The following FTO variants were observed in gnomAD, a reference collection of about 807,000 sequenced individuals.
FTO encodes FTO alpha-ketoglutarate dependent dioxygenase.
A neutral mutation model predicts 63.9 loss-of-function variants in FTO; 47 were observed. That is an observed-to-expected ratio of 0.74 (90% CI 0.58 to 0.94). The LOEUF (loss-of-function observed/expected upper bound fraction) is 0.94. FTO is among the 40% of genes least tolerant of loss of function. The pLI, the probability that FTO is intolerant of heterozygous loss-of-function variation, is 0.00. For synonymous variants in FTO, 207 were observed against 224.4 expected, an observed-to-expected ratio of 0.92 and a Z score of 0.69; for missense variants, 562 against 618.1, an observed-to-expected ratio of 0.91 and a Z score of 0.96.
At chr16:54,070,266 A>G (rs919240265) in intron 8 of FTO, 1 of 152,190 alleles carries the variant, frequency 6.6e-6, no homozygotes, top group East Asian at 1.9e-4. Flanking sequence ...TGTCTAATAC[A>G]TATAAGATTT....
chr16:53,883,642 A>AAAAAAAC (rs2080916755), intron 6 of FTO, among the ~76,000 whole-genome samples: 1 of 150,458 alleles, frequency 6.6e-6, no homozygotes, highest in African/African-American at 2.5e-5. Flanking sequence ...AAAACAAAAA[A>AAAAAAAC]AAAAAAACAA....
intron 4 of FTO, among the ~76,000 whole-genome samples, chr16:53,866,699 G>A (rs1451416753): frequency 1.3e-5 from 2 of 151,998 alleles, no homozygotes; most frequent in Non-Finnish European, 2.9e-5. Flanking sequence ...TAATGTCCAT[G>A]GGATCTGTAG....
intron 8 of FTO, among the ~76,000 whole-genome samples, chr16:53,946,598 A>G (rs781346413): frequency 3.0e-4 from 45 of 152,026 alleles, no homozygotes; most frequent in Admixed American, 2.6e-4. Context: ...TTTTCACTGA[A>G]AAAGTTGCTG....
rs188047161 is a variant in FTO, at chr16:54,034,298, T to C, written c.1365-77464T>C. On this transcript the variant is annotated intron_variant, in intron 8 of 8. Coordinates refer to ENST00000471389, the MANE Select transcript of FTO (RefSeq NM_001080432.3). Reference sequence around the variant, plus strand: ...TTTTCTAATAAAAGGCCTACTTGCTTTTCCATTTTAAAACCAGTGTTTAAG... The same window carrying C: ...TTTTCTAATAAAAGGCCTACTTGCTCTTCCATTTTAAAACCAGTGTTTAAG... 5.1e-3 allele frequency among the ~76,000 whole-genome samples: 772 copies of C among 152,328 alleles called. 5 individuals carry two copies. Among genetic ancestry groups the C allele is most frequent in the Middle Eastern group, 0.01 (3 of 294 alleles).
intron 4 of FTO, among the ~76,000 whole-genome samples, chr16:53,863,234 A>G (rs1400398801): frequency 6.6e-6 from 1 of 152,194 alleles, no homozygotes. Flanking sequence ...TTCAGAAAAG[A>G]CAGTTTTGAT....
chr16:54,096,807 C>A (rs1174486693), intron 8 of FTO, among the ~76,000 whole-genome samples: 1 of 152,172 alleles, frequency 6.6e-6, no homozygotes, highest in East Asian at 1.9e-4. Flanking sequence ...AAGGGTACCA[C>A]CCTCATGACC....
intron 8 of FTO, among the ~76,000 whole-genome samples, chr16:54,106,805 ATAT>A (rs1347118819): frequency 3.7e-5 from 5 of 136,510 alleles, no homozygotes; most frequent in Non-Finnish European, 6.1e-5. Flanking sequence ...ATATAATTAC[ATAT>A]TATATATACT....
chr16:54,069,837 G>T (rs1266750167), intron 8 of FTO: 1 of 152,098 alleles, frequency 6.6e-6, no homozygotes. Flanking sequence ...ATCCAGTGGG[G>T]GTTGTGCTAG....
chr16:53,846,752 A>G (rs1008081431), intron 4 of FTO, among the ~76,000 whole-genome samples: 2 of 150,336 alleles, frequency 1.3e-5, no homozygotes, highest in Admixed American at 6.6e-5. Context: ...CAGGGAGCTG[A>G]GATTGCACCA....
intron 7 of FTO, among the ~76,000 whole-genome samples, chr16:53,902,967 A>G (rs1393678409): frequency 6.6e-6 from 1 of 152,176 alleles, no homozygotes; most frequent in East Asian, 1.9e-4. Context: ...AGACTTAGCC[A>G]GGCGTAGTGG....
intron 6 of FTO, among the ~76,000 whole-genome samples, chr16:53,882,256 G>A (rs150397106): frequency 1.1e-3 from 162 of 152,036 alleles, no homozygotes; most frequent in African/African-American, 3.7e-3. Context: ...TCTTCTGGGC[G>A]CTTTAGAATA....
At chr16:53,986,254 A>T (rs1443454298) in intron 8 of FTO, among the ~76,000 whole-genome samples, 1 of 152,224 alleles carries the variant, frequency 6.6e-6, no homozygotes, top group East Asian at 1.9e-4. Flanking sequence ...ATTATGACTG[A>T]AATAGACAGG....
chr16:54,086,716 T>G (rs1032637806), intron 8 of FTO, among the ~76,000 whole-genome samples: 1 of 152,234 alleles, frequency 6.6e-6, no homozygotes, highest in Admixed American at 6.5e-5. Flanking sequence ...GGATTCTCAA[T>G]GATTTTCTGT....
intron 8 of FTO, among the ~76,000 whole-genome samples, chr16:53,975,895 G>T (rs1269752311): frequency 2.6e-5 from 4 of 152,098 alleles, no homozygotes; most frequent in African/African-American, 4.8e-5. Flanking sequence ...ATGAGTAGGT[G>T]CTATTATTTC....
At chr16:53,818,639 A>C (rs1157531044) in intron 2 of FTO, among the ~76,000 whole-genome samples, 1 of 151,178 alleles carries the variant, frequency 6.6e-6, no homozygotes, top group Admixed American at 6.6e-5. Context: ...ACTTTTGGCT[A>C]TCTTTTTATC....
intron 8 of FTO, among the ~76,000 whole-genome samples, chr16:53,950,155 T>TAAAAAAAAAAAAAAAAAACAAAAA (rs2082741554): frequency 4.0e-5 from 2 of 50,604 alleles, no homozygotes; most frequent in Non-Finnish European, 8.9e-5. Flanking sequence ...TTCACATTTG[T>TAAAAAAAAAAAAAAAAAACAAAAA]AAAAAAAAAA....
At chr16:53,838,798 C>T (rs887117404) in intron 3 of FTO, among the ~76,000 whole-genome samples, 2 of 152,042 alleles carry the variant, frequency 1.3e-5, no homozygotes, top group African/African-American at 4.8e-5. Flanking sequence ...AAGATCACGA[C>T]ACTGCACTCC....
chr16:53,979,701 T>G (rs1324411641), intron 8 of FTO, among the ~76,000 whole-genome samples: 2 of 152,196 alleles, frequency 1.3e-5, no homozygotes, highest in Non-Finnish European at 2.9e-5. Flanking sequence ...ATACCTAACT[T>G]TGGGGGCAAA....
intron 7 of FTO, among the ~76,000 whole-genome samples, chr16:53,929,928 G>T (rs534699037): frequency 6.6e-6 from 1 of 152,220 alleles, no homozygotes; most frequent in Non-Finnish European, 1.5e-5. Context: ...CACCCACAAT[G>T]TGAGATGTGG....
Sources: allele counts gnomAD v4.1 joint callset (sites outside exome capture counted in the v4.1 genomes callset), GRCh38; gene constraint gnomAD v4.1.1; transcripts MANE v1.5; gene names NCBI Gene and HGNC (gene_info 2026-07-23, HGNC 2026-07-21).